The following HAP1 variants were observed in gnomAD, a reference collection of about 807,000 sequenced individuals.
The protein encoded by HAP1 is huntingtin-associated protein 1.
In HAP1, 59 loss-of-function variants were observed where a neutral mutation model predicts 60.3. That is an observed-to-expected ratio of 0.98 (90% CI 0.79 to 1.22). HAP1 has a LOEUF of 1.22. Among genes scored for constraint, HAP1 ranks in the 50% most tolerant of loss-of-function variants. The pLI is 0.00. For synonymous variants in HAP1, 346 were observed against 330.6 expected (o/e 1.05, Z -0.50); for missense variants, 825 against 785.3 (o/e 1.05, Z -0.60).
intron 6 of HAP1, among the ~76,000 whole-genome samples, chr17:41,728,811 C>G (rs8074419): frequency 0.82 from 125,121 of 152,118 alleles, 51,513 homozygotes; most frequent in East Asian, 0.89. Flanking sequence ...GACACTGGGA[C>G]GGGGAGGGCC....
chr17:41,729,549 CAAAA>C (rs1162563636), intron 6 of HAP1, among the ~76,000 whole-genome samples: 7 of 63,108 alleles, frequency 1.1e-4, no homozygotes, highest in South Asian at 4.7e-4. Flanking sequence ...GCCTCCTTCT[CAAAA>C]AAAAAAAAAA....
chr17:41,732,360 C>A lies in HAP1; in HGVS notation c.584G>T (p.Gly195Val). 2 of 1,614,120 alleles carry A rather than the reference C, an allele frequency of 1.2e-6. No individual in the cohort carries two copies. The highest frequency in any genetic ancestry group is 1.7e-6 in the Non-Finnish European group (2 of 1,180,014). The change falls in exon 3 of 11, where the codon GGG (glycine) becomes GTG (valine). Residue 195 changes from glycine (G) to valine (V), a missense_variant. By Grantham distance (109) the Gly-to-Val change is moderately radical. Coordinates refer to ENST00000347901, the MANE Select transcript of HAP1 (RefSeq NM_177977.3). ...LPPVWESVTY[G>V]MVLQRERDLN... ...GTCCCTCTCTCTCTGCAGGACCATC[C>A]CATAGGTAACGCTCTCCCAGACAGG... is the stretch of plus-strand genomic sequence containing the variant.
chr17:41,731,971 G>C lies in HAP1; in HGVS notation c.862C>G (p.Leu288Val), dbSNP rs782734835. 2.8e-6 allele frequency: 3 copies of C among 1,090,902 alleles called. No individual in the cohort carries two copies. The highest frequency in any genetic ancestry group is 4.2e-6 in the Non-Finnish European group (3 of 718,868). The allele number at this position is 1,090,902 out of a possible 1,614,324, so 67.6% of individuals were successfully genotyped here. The change falls in exon 4 of 11, where the codon CTG (leucine) becomes GTG (valine). Residue 288 changes from leucine to valine, a missense_variant. Coordinates refer to ENST00000347901, the MANE Select transcript of HAP1 (RefSeq NM_177977.3). The stretch of plus-strand genomic sequence containing the variant: ...GCATCACAGGGATGAGCACACTGCA[G>C]GTCTTCCTCTGCTTCTTCTTCTTCC... ...EQEEEEAEED[L>V]QCAHPCDAPK...
chr17:41,725,180 T>G, intron 10 of HAP1, 26 bp from the exon 11 acceptor site: 2 of 1,541,822 alleles, frequency 1.3e-6, no homozygotes, highest in Non-Finnish European at 1.8e-6. Context: ...CGACATCTTT[T>G]GAGGGGCTGG....
chr17:41,728,923 C>T (rs1322891715), intron 6 of HAP1, among the ~76,000 whole-genome samples: 1 of 143,808 alleles, frequency 7.0e-6, no homozygotes, highest in African/African-American at 2.5e-5. Flanking sequence ...ACAGTAATGA[C>T]GTGGTCAGAC....
intron 9 of HAP1, among the ~76,000 whole-genome samples, chr17:41,726,099 G>A (rs560819616): frequency 2.6e-4 from 39 of 152,014 alleles, no homozygotes; most frequent in African/African-American, 8.9e-4. Flanking sequence ...GTAAAACCCC[G>A]TCTCTACTAA....
intron 6 of HAP1, among the ~76,000 whole-genome samples, chr17:41,729,746 C>G (rs1373688235): frequency 6.7e-6 from 1 of 149,198 alleles, no homozygotes; most frequent in Non-Finnish European, 1.5e-5. Context: ...CACGGTAGCA[C>G]AGGCCTGTAA....
At chr17:41,729,097 C>T (rs570516416) in intron 6 of HAP1, among the ~76,000 whole-genome samples, 4 of 151,856 alleles carry the variant, frequency 2.6e-5, no homozygotes, top group African/African-American at 7.3e-5. Flanking sequence ...TGCGCCACCA[C>T]GCCCAGTTAA....
chr17:41,724,772 G>A lies in HAP1; in HGVS notation c.1789C>T (p.Gln597Ter). 6.2e-7 allele frequency: 1 copy of A among 1,610,168 alleles called. No individual in the cohort carries two copies. The highest frequency in any genetic ancestry group is 8.5e-7 in the Non-Finnish European group (1 of 1,177,632). Reference sequence around the variant, plus strand: ...GCCCCGTGGGGGCACTCACCTTTCTGGAGCATCTTCCACCTCAGCTGCCGC... The same window carrying A: ...GCCCCGTGGGGGCACTCACCTTTCTAGAGCATCTTCCACCTCAGCTGCCGC... Reference protein sequence around the residue: ...YRRQLRWKMLQKGECPHGALP... With the variant: ...YRRQLRWKML The change falls in exon 11 of 11, where the codon CAG becomes TAG. Residue 597 changes from glutamine (Q) to a stop codon, truncating the protein, a stop_gained. Coordinates refer to ENST00000347901, the MANE Select transcript of HAP1 (RefSeq NM_177977.3). LOFTEE classifies it low-confidence loss of function (END_TRUNC).
At chr17:41,727,961 A>T in intron 7 of HAP1, 125 bp from the exon 8 acceptor site, 1 of 719,124 alleles carries the variant, frequency 1.4e-6, no homozygotes, top group Non-Finnish European at 2.4e-6. Context: ...GACAAGTCAC[A>T]CGGAAGGAGG....
Position 41,734,368 on chromosome 17 carries a change from G to A in HAP1, c.267C>T (p.Ile89=), listed in dbSNP as rs782111791. ...CGGGCATAGACCGGACATCCCCTTGGATGGCCGAGAATGCGGACGGGCGCC... is the reference window on the plus strand; with the variant it reads ...CGGGCATAGACCGGACATCCCCTTGAATGGCCGAGAATGCGGACGGGCGCC... ...GARRPSAFSA[I]QGDVRSMPDN... is the part of the protein sequence containing the mutation. The change falls in exon 1 of 11, where the codon ATC becomes ATT. Residue 89 remains isoleucine (I), a synonymous_variant. Transcript: ENST00000347901. 119 of 1,607,098 alleles carry A rather than the reference G, an allele frequency of 7.4e-5. No homozygotes were observed. Among genetic ancestry groups the A allele is most frequent in the Non-Finnish European group, 9.6e-5 (113 of 1,175,512 alleles).
intron 10 of HAP1, 27 bp from the exon 11 acceptor site, chr17:41,725,181 GA>G: frequency 1.9e-6 from 3 of 1,540,608 alleles, no homozygotes; most frequent in Non-Finnish European, 2.6e-6. Flanking sequence ...GACATCTTTT[GA>G]GGGGCTGGAA....
chr17:41,719,288 T>C (rs1164593171), downstream of HAP1, among the ~76,000 whole-genome samples: 2 of 152,172 alleles, frequency 1.3e-5, no homozygotes, highest in Non-Finnish European at 2.9e-5. Context: ...CCTGAATGTA[T>C]TTTAAAGCAG....
intron 6 of HAP1, among the ~76,000 whole-genome samples, chr17:41,731,229 T>C (rs992095062): frequency 4.6e-5 from 7 of 152,166 alleles, no homozygotes; most frequent in Non-Finnish European, 1.0e-4. Flanking sequence ...ACAATTTCTG[T>C]ATAGCTCTTT....
rs1431415204 is a variant in HAP1 at position 41,734,626 on chromosome 17, C to A, written c.9G>T (p.Pro3=). The A allele has an allele frequency of 6.6e-7, 1 of 1,515,218 alleles. No individual in the cohort carries two copies. The highest frequency in any genetic ancestry group is 1.2e-5 in the South Asian group (1 of 80,818). 93.9% of individuals were successfully genotyped at this position (1,515,218 alleles called of 1,614,324 possible). MR[P]KRLGRCCAGS... ...CCGCGCAGCACCGGCCCAACCTCTT[C>A]GGGCGCATCTCGAGTCTGCCGTCCG... The change falls in exon 1 of 11, where the codon CCG becomes CCT. Residue 3 remains proline (P), a synonymous_variant. Coordinates refer to ENST00000347901, the MANE Select transcript of HAP1 (RefSeq NM_177977.3).
At chr17:41,730,915 CT>C (rs11314342) in intron 6 of HAP1, among the ~76,000 whole-genome samples, 118,808 of 145,584 alleles carry the variant, frequency 0.82, 48,345 homozygotes, top group East Asian at 0.89. Context: ...GGAGACCCAC[CT>C]TTTTTTTTTT....
chr17:41,726,997 C>T (rs1421846297), intron 9 of HAP1, 56 bp downstream of exon 9: 1 of 880,732 alleles, frequency 1.1e-6, no homozygotes. Context: ...CAAACCCCCT[C>T]CCCACTACAG....
Position 41,724,498 on chromosome 17 carries a change from C to G in HAP1, c.*203G>C, listed in dbSNP as rs1911444975. On this transcript the variant is annotated 3_prime_UTR_variant, in exon 11 of 11. Coordinates refer to ENST00000347901, the MANE Select transcript of HAP1 (RefSeq NM_177977.3). ...GGGGCACAGTCCCAGCCCTAACCCC[C>G]AGCCCAGCCCCCAGGAGAAAAGTGG... 1.7e-6 allele frequency: 1 copy of G among 589,640 alleles called. No individual in the cohort carries two copies. Among genetic ancestry groups the G allele is most frequent in the Non-Finnish European group, 3.0e-6 (1 of 331,128 alleles). 36.5% of individuals were successfully genotyped at this position (589,640 alleles called of 1,614,324 possible). A position where few individuals can be genotyped will look rare whatever the true frequency, so the allele number is the denominator to read the frequency against.
At chr17:41,726,788 G>A (rs575218795) in intron 9 of HAP1, among the ~76,000 whole-genome samples, 1 of 151,582 alleles carries the variant, frequency 6.6e-6, no homozygotes, top group South Asian at 2.1e-4. Flanking sequence ...GCTTGAACCT[G>A]GGAGGCAGAG....
Sources: gnomAD v4.1 joint callset for allele counts (sites outside exome capture counted in the v4.1 genomes callset) on GRCh38, gnomAD v4.1.1 for gene constraint, MANE v1.5 for transcripts, NCBI Gene and HGNC (gene_info 2026-07-23, HGNC 2026-07-21) for gene names.